TNS3: variants seen among roughly 807,000 people sequenced by gnomAD.
TNS3 encodes tensin-3.
In TNS3, 45 loss-of-function variants were observed where a neutral mutation model predicts 140.9. The observed-to-expected ratio is 0.32, with a 90% confidence interval of 0.25 to 0.41. TNS3 has a LOEUF of 0.41. Ranked by LOEUF, TNS3 falls within the 10% of genes least tolerant of loss-of-function variation. The pLI, the probability that TNS3 is intolerant of heterozygous loss-of-function variation, is 1.00. For missense variants in TNS3, 1,716 were observed against 1,906.7 expected, an observed-to-expected ratio of 0.90 and a Z score of 1.86; for synonymous variants, 815 against 788.4, an observed-to-expected ratio of 1.03 and a Z score of -0.56.
At chr7:47,350,290 C>A (rs1789590060) in intron 17 of TNS3, among the ~76,000 whole-genome samples, 1 of 152,202 alleles carries the variant, frequency 6.6e-6, no homozygotes, top group Non-Finnish European at 1.5e-5. Flanking sequence ...GATGGGGCAG[C>A]CAGCAAAGGC....
intron 13 of TNS3, among the ~76,000 whole-genome samples, chr7:47,405,849 CT>C (rs1793417585): frequency 6.6e-6 from 1 of 152,116 alleles, no homozygotes; most frequent in Admixed American, 6.5e-5. Context: ...CAGGCAACAC[CT>C]TTGTTTACAA....
At chr7:47,459,593 A>G (rs928670046) in intron 4 of TNS3, among the ~76,000 whole-genome samples, 5 of 152,054 alleles carry the variant, frequency 3.3e-5, no homozygotes, top group African/African-American at 9.7e-5. Flanking sequence ...ATTCCCCCAC[A>G]AGAGAACCAC....
At chr7:47,302,889 C>T (rs1584352579) in intron 22 of TNS3, 61 bp downstream of exon 22, 1 of 1,537,402 alleles carries the variant, frequency 6.5e-7, no homozygotes, top group East Asian at 2.3e-5. Flanking sequence ...CAGGTCTGAA[C>T]CCTTCCCTTC....
At chr7:47,351,386 G>T (rs965506030) in intron 17 of TNS3, among the ~76,000 whole-genome samples, 2 of 152,024 alleles carry the variant, frequency 1.3e-5, no homozygotes, top group African/African-American at 4.8e-5. Context: ...GCTTCCCAGA[G>T]GTTACAATGC....
intron 1 of TNS3, among the ~76,000 whole-genome samples, chr7:47,564,635 CAAAA>C (rs749603752): frequency 9.9e-5 from 3 of 30,222 alleles, no homozygotes; most frequent in Non-Finnish European, 1.8e-4. Flanking sequence ...GACTCCGTCT[CAAAA>C]AAAAAAAAAA....
chr7:47,357,576 G>T (rs1790064457), intron 17 of TNS3, among the ~76,000 whole-genome samples: 1 of 152,156 alleles, frequency 6.6e-6, no homozygotes. Context: ...CGCACAACTT[G>T]CAGTTTTTTA....
intron 2 of TNS3, among the ~76,000 whole-genome samples, chr7:47,511,485 T>C (rs1798603638): frequency 6.7e-6 from 1 of 149,958 alleles, no homozygotes; most frequent in Admixed American, 6.7e-5. Context: ...CTGACTTAAA[T>C]ATTTTAAATA....
intron 4 of TNS3, among the ~76,000 whole-genome samples, chr7:47,477,933 G>A (rs1008382838): frequency 2.6e-5 from 4 of 152,074 alleles, no homozygotes; most frequent in African/African-American, 9.7e-5. Context: ...GGGCTGCCAC[G>A]TCCATCCTTC....
chr7:47,501,093 G>A (rs1332748136), intron 3 of TNS3, among the ~76,000 whole-genome samples: 1 of 145,620 alleles, frequency 6.9e-6, no homozygotes, highest in South Asian at 2.2e-4. Context: ...AACAGAAAGA[G>A]AGAAAGAGAG....
intron 1 of TNS3, among the ~76,000 whole-genome samples, chr7:47,529,516 T>C (rs1395275173): frequency 6.6e-6 from 1 of 152,226 alleles, no homozygotes; most frequent in Non-Finnish European, 1.5e-5. Context: ...CATACACTTC[T>C]AGACTCTCAA....
At chr7:47,330,986 C>T (rs1474619160) in intron 20 of TNS3, among the ~76,000 whole-genome samples, 1 of 152,146 alleles carries the variant, frequency 6.6e-6, no homozygotes, top group African/African-American at 2.4e-5. Context: ...TGTGTGCACA[C>T]AATAAGAGGA....
intron 1 of TNS3, chr7:47,579,465 CG>C (rs952844617): frequency 6.6e-6 from 1 of 152,192 alleles, no homozygotes; most frequent in African/African-American, 2.4e-5. Flanking sequence ...GAGGAAGCCT[CG>C]AAGCCTCAAT....
At chr7:47,380,223 C>T (rs571072079) in intron 16 of TNS3, among the ~76,000 whole-genome samples, 1 of 152,362 alleles carries the variant, frequency 6.6e-6, no homozygotes, top group African/African-American at 2.4e-5. Context: ...AGGGCGGCTC[C>T]CCGGGCAGAC....
chr7:47,516,885 A>T (rs1798794765), intron 2 of TNS3, among the ~76,000 whole-genome samples: 1 of 152,186 alleles, frequency 6.6e-6, no homozygotes, highest in South Asian at 2.1e-4. Context: ...CAACATGGTG[A>T]AACCCCAACT....
chr7:47,530,758 G>C (rs1013679412), intron 1 of TNS3, among the ~76,000 whole-genome samples: 4 of 147,118 alleles, frequency 2.7e-5, no homozygotes, highest in Admixed American at 6.9e-5. Flanking sequence ...AGGAGGTGGA[G>C]GTTGCAGTGA....
chr7:47,545,649 C>A (rs1014021524), intron 1 of TNS3, among the ~76,000 whole-genome samples: 2 of 152,206 alleles, frequency 1.3e-5, no homozygotes, highest in East Asian at 3.9e-4. Context: ...ATCTCAGTTA[C>A]CACTGTCCTT....
chr7:47,461,876 G>A (rs1285275845), intron 4 of TNS3, among the ~76,000 whole-genome samples: 2 of 152,318 alleles, frequency 1.3e-5, no homozygotes, highest in East Asian at 1.9e-4. Context: ...AGAGTCCAGA[G>A]GATTTCTATG....
chr7:47,507,867 G>A (rs1210236432), intron 2 of TNS3, among the ~76,000 whole-genome samples: 1 of 152,222 alleles, frequency 6.6e-6, no homozygotes, highest in Non-Finnish European at 1.5e-5. Flanking sequence ...GTGGGAGGAG[G>A]GAAAGAGACC....
At position 47,278,005 on chromosome 7, in the gene TNS3, CCCACCCTCACCCAACGGCTGTCT is replaced by C. The variant is rs1562749656; in HGVS notation, c.*48_*70del. 6.2e-7 allele frequency: 1 copy of C among 1,604,764 alleles called. No homozygotes were observed. Among genetic ancestry groups the C allele is most frequent in the East Asian group, 2.2e-5 (1 of 44,710 alleles). ...TACTAGTTTGGTAAAAAGTGGGGGC[CCCACCCTCACCCAACGGCTGTCT>C]CCAGGGCTTCGAGAGGCATCGGTGG... On this transcript the variant is annotated 3_prime_UTR_variant, in exon 31 of 31. Coordinates refer to ENST00000311160, the MANE Select transcript of TNS3 (RefSeq NM_022748.12).
Sources: allele counts gnomAD v4.1 joint callset (sites outside exome capture counted in the v4.1 genomes callset), GRCh38; gene constraint gnomAD v4.1.1; transcripts MANE v1.5; gene names NCBI Gene and HGNC (gene_info 2026-07-23, HGNC 2026-07-21).